PDCD2L: variants seen among roughly 807,000 people sequenced by gnomAD.
The protein encoded by PDCD2L is programmed cell death 2 like.
PDCD2L carries 44 observed loss-of-function variants against 40.4 expected under a neutral mutation model. The observed-to-expected ratio is 1.09, with a 90% confidence interval of 0.86 to 1.40. The LOEUF is 1.40. Ranked by LOEUF, PDCD2L falls within the 40% of genes most tolerant of loss-of-function variation. PDCD2L has a pLI of 0.00. For synonymous variants in PDCD2L, 194 were observed against 174.6 expected, an observed-to-expected ratio of 1.11 and a Z score of -0.88; for missense variants, 470 against 453.7, an observed-to-expected ratio of 1.04 and a Z score of -0.33.
intron 6 of PDCD2L, among the ~76,000 whole-genome samples, chr19:34,423,897 G>C (rs1194757316): frequency 6.6e-6 from 1 of 152,076 alleles, no homozygotes; most frequent in African/African-American, 2.4e-5. Context: ...GTTTTATTTT[G>C]ATTCTTTTTG....
chr19:34,422,777 A>G (rs1599876388), intron 6 of PDCD2L, among the ~76,000 whole-genome samples: 2 of 151,222 alleles, frequency 1.3e-5, no homozygotes, highest in African/African-American at 2.4e-5. Flanking sequence ...GTGCAGTGGC[A>G]TAATCTCAGC....
chr19:34,425,755 ATTTT>A (rs772543818), intron 6 of PDCD2L, among the ~76,000 whole-genome samples: 5 of 152,076 alleles, frequency 3.3e-5, no homozygotes. Context: ...ACTTGCTGAA[ATTTT>A]TGTTTATTTT....
chr19:34,421,455 G>A, intron 5 of PDCD2L, 64 bp from the exon 6 acceptor site: 1 of 1,580,794 alleles, frequency 6.3e-7, no homozygotes, highest in Non-Finnish European at 8.7e-7. Flanking sequence ...GCAAAGCATG[G>A]CCTTAGATGC....
Position 34,421,555 on chromosome 19 carries a change from C to T in PDCD2L, c.834C>T (p.Cys278=). ...SWSGEPLFLT[C]PTSEVTELPA... is the part of the protein sequence containing the mutation. ...GTGGAGAGCCACTCTTTTTGACCTG[C>T]CCTACATCAGAAGTCACCGAGCTCC... The change falls in exon 6 of 7, where the codon TGC becomes TGT. Residue 278 remains cysteine, a synonymous_variant. Coordinates refer to ENST00000246535, the MANE Select transcript of PDCD2L (RefSeq NM_032346.2). 1 of 1,614,026 alleles carries T rather than the reference C, an allele frequency of 6.2e-7. No homozygotes were observed. Among genetic ancestry groups the T allele is most frequent in the Non-Finnish European group, 8.5e-7 (1 of 1,180,000 alleles).
intron 4 of PDCD2L, 49 bp from the exon 5 acceptor site, chr19:34,413,688 A>G (rs1044966314): frequency 3.5e-6 from 4 of 1,133,246 alleles, no homozygotes; most frequent in Non-Finnish European, 3.9e-6. Flanking sequence ...CAAATGCTGT[A>G]ATTTTCTGGA....
chr19:34,425,156 T>C (rs917616078), intron 6 of PDCD2L, among the ~76,000 whole-genome samples: 6 of 152,170 alleles, frequency 3.9e-5, no homozygotes, highest in Non-Finnish European at 7.3e-5. Flanking sequence ...GGAGTTCTTA[T>C]TGCTTATGTT....
At chr19:34,424,862 A>G (rs986676939) in intron 6 of PDCD2L, among the ~76,000 whole-genome samples, 2 of 149,444 alleles carry the variant, frequency 1.3e-5, no homozygotes, top group African/African-American at 4.9e-5. Context: ...CTCCTGCCTC[A>G]GCCTCCCAAG....
chr19:34,416,263 A>C (rs1179795149), intron 5 of PDCD2L, among the ~76,000 whole-genome samples: 1 of 152,144 alleles, frequency 6.6e-6, no homozygotes, highest in African/African-American at 2.4e-5. Context: ...AAGGAAGCAC[A>C]CAGGAGGAGA....
Position 34,421,553 on chromosome 19 carries a change from T to G in PDCD2L, c.832T>G (p.Cys278Gly). 1.2e-6 allele frequency: 2 copies of G among 1,614,104 alleles called. No individual in the cohort carries two copies. The highest frequency in any genetic ancestry group is 1.7e-6 in the Non-Finnish European group (2 of 1,180,016). The change falls in exon 6 of 7, where the codon TGC becomes GGC. Residue 278 changes from cysteine (C) to glycine (G), a missense_variant. Coordinates refer to ENST00000246535, the MANE Select transcript of PDCD2L (RefSeq NM_032346.2). ...GAGTGGAGAGCCACTCTTTTTGACC[T>G]GCCCTACATCAGAAGTCACCGAGCT... ...SWSGEPLFLT[C>G]PTSEVTELPA... is the part of the protein sequence containing the mutation.
intron 5 of PDCD2L, among the ~76,000 whole-genome samples, chr19:34,420,756 C>T (rs1256065131): frequency 6.6e-6 from 1 of 150,668 alleles, no homozygotes; most frequent in African/African-American, 2.4e-5. Context: ...TGTGCCACTG[C>T]ACTCCAGCCT....
chr19:34,418,986 T>C lies in PDCD2L; in HGVS notation c.798-2533T>C, dbSNP rs77488114. Among the ~76,000 whole-genome samples the C allele has an allele frequency of 2.0e-5, 3 of 152,348 alleles. No individual in the cohort carries two copies. The East Asian group carries it at 5.8e-4, about 29-fold the overall frequency. Reference sequence around the variant, plus strand: ...GTTACTGAGTTGTAGGAATTCTTCATATGGTCAAGAGTACAAGTCCTTTTT... The same window carrying C: ...GTTACTGAGTTGTAGGAATTCTTCACATGGTCAAGAGTACAAGTCCTTTTT... On this transcript the variant is annotated intron_variant, in intron 5 of 6. Transcript: ENST00000246535.
At chr19:34,419,038 CAG>C (rs1440504595) in intron 5 of PDCD2L, among the ~76,000 whole-genome samples, 2 of 152,298 alleles carry the variant, frequency 1.3e-5, no homozygotes, top group East Asian at 1.9e-4. Flanking sequence ...AGCACTCAAA[CAG>C]ATTCTGACAG....
At chr19:34,406,994 GC>G (rs2075079678) in intron 3 of PDCD2L, among the ~76,000 whole-genome samples, 2 of 151,474 alleles carry the variant, frequency 1.3e-5, no homozygotes, top group South Asian at 4.2e-4. Context: ...TCGCCACCAC[GC>G]CCAGCTAATT....
chr19:34,407,145 AT>A (rs958336617), intron 3 of PDCD2L, among the ~76,000 whole-genome samples: 35 of 134,136 alleles, frequency 2.6e-4, no homozygotes, highest in African/African-American at 2.5e-4. Context: ...CTCACTCCAG[AT>A]TTTTTTTTTT....
chr19:34,416,304 A>G (rs918035680), intron 5 of PDCD2L, among the ~76,000 whole-genome samples: 1 of 152,158 alleles, frequency 6.6e-6, no homozygotes, highest in Non-Finnish European at 1.5e-5. Flanking sequence ...AGGATGGTGG[A>G]CCCAGCTGTT....
In PDCD2L at chr19:34,404,658, C is replaced by T. The variant is rs756963739; in HGVS notation, c.118C>T (p.Pro40Ser). 5 of 1,610,826 alleles carry T rather than the reference C, an allele frequency of 3.1e-6. No individual in the cohort carries two copies. Among genetic ancestry groups the T allele is most frequent in the South Asian group, 1.1e-5 (1 of 91,016 alleles). The change falls in exon 2 of 7, where the codon CCC (proline) becomes TCC (serine). Residue 40 changes from proline to serine, a missense_variant. Physicochemically the swap from Pro to Ser is moderately conservative, Grantham distance 74. Transcript: ENST00000246535. ...TCCTCTGTCCCCTCAGGATGCTCTGCCCACCGTGGCTGCGCCCAGGCCCGT... is the reference window on the plus strand; with the variant it reads ...TCCTCTGTCCCCTCAGGATGCTCTGTCCACCGTGGCTGCGCCCAGGCCCGT... Reference protein sequence around the residue: ...SKLGGIPDALPTVAAPRPVCQ... With the variant: ...SKLGGIPDALSTVAAPRPVCQ...
At chr19:34,414,927 G>C (rs1390911124) in intron 5 of PDCD2L, among the ~76,000 whole-genome samples, 1 of 151,730 alleles carries the variant, frequency 6.6e-6, no homozygotes, top group Non-Finnish European at 1.5e-5. Context: ...CAAGTAGCTA[G>C]AACTACAGGA....
intron 5 of PDCD2L, among the ~76,000 whole-genome samples, chr19:34,414,291 T>A (rs2075117454): frequency 6.6e-6 from 1 of 151,720 alleles, no homozygotes; most frequent in African/African-American, 2.4e-5. Flanking sequence ...TTCTCCTGCC[T>A]CAGCCTCCCA....
chr19:34,411,614 C>A (rs1206393735), intron 4 of PDCD2L, among the ~76,000 whole-genome samples: 1 of 152,062 alleles, frequency 6.6e-6, no homozygotes, highest in African/African-American at 2.4e-5. Flanking sequence ...TTCCCCATAG[C>A]TGGGACTACA....
Sources: gnomAD v4.1 joint callset for allele counts (sites outside exome capture counted in the v4.1 genomes callset) on GRCh38, gnomAD v4.1.1 for gene constraint, MANE v1.5 for transcripts, NCBI Gene and HGNC (gene_info 2026-07-23, HGNC 2026-07-21) for gene names.